Variants in ELAVL4 observed in about 807,000 individuals in gnomAD.
The protein encoded by ELAVL4 is ELAV like RNA binding protein 4, also known as ELAV-like protein 4.
Under a neutral mutation model 35.6 loss-of-function variants are expected in ELAVL4, and 1 was observed. That is an observed-to-expected ratio of 0.03 (90% confidence interval 0.01 to 0.13). The LOEUF (loss-of-function observed/expected upper bound fraction) is 0.13. ELAVL4 is among the 10% of genes least tolerant of loss of function. The probability of loss-of-function intolerance (pLI) is 1.00; values close to 1 mark genes in which losing one functional copy is unlikely to be tolerated. For missense variants in ELAVL4, 267 were observed against 464.9 expected, an observed-to-expected ratio of 0.57 and a Z score of 3.91; for synonymous variants, 156 against 171.0, an observed-to-expected ratio of 0.91 and a Z score of 0.69.
rs1171119191 is a variant in ELAVL4 at position 50,054,893 on chromosome 1, A to C, written c.18+6711A>C. The stretch of plus-strand genomic sequence containing the variant: ...TTACAGGATATCTCAGACAGAAGAA[A>C]AGTGAGTTTGGAATATTTACTTCTC... On this transcript the variant is annotated intron_variant, in intron 1 of 6. Transcript: ENST00000448907. Among the ~76,000 whole-genome samples the C allele has an allele frequency of 2.6e-5, 4 of 152,302 alleles. No homozygotes were observed. In the East Asian group the frequency reaches 7.7e-4, roughly 29 times the overall value.
intron 4 of ELAVL4, 110 bp from the exon 5 acceptor site, chr1:50,195,451 C>T (rs1643989545): frequency 1.7e-6 from 2 of 1,208,628 alleles, no homozygotes; most frequent in Admixed American, 1.8e-5. Context: ...AGCCCTGGCA[C>T]CACAGGTGGG....
At chr1:50,155,067 C>A (rs1013271680) in intron 2 of ELAVL4, among the ~76,000 whole-genome samples, 4 of 151,354 alleles carry the variant, frequency 2.6e-5, no homozygotes, top group Non-Finnish European at 5.9e-5. Context: ...TACATGTGCA[C>A]AATATGCAGG....
intron 1 of ELAVL4, among the ~76,000 whole-genome samples, chr1:50,117,407 C>T (rs78536206): frequency 0.071 from 10,795 of 152,148 alleles, 1,125 homozygotes; most frequent in African/African-American, 0.23. Context: ...AGGAACATCA[C>T]GGTGTGCCTG....
intron 2 of ELAVL4, among the ~76,000 whole-genome samples, chr1:50,169,615 TATGCCTGGTACATAACAC>T (rs1678618404): frequency 6.6e-6 from 1 of 152,236 alleles, no homozygotes; most frequent in Non-Finnish European, 1.5e-5. Context: ...GTGAATGGAA[TATGCCTGGTACATAACAC>T]ATGCTCACTA....
chr1:50,133,746 A>G (rs147544781), intron 1 of ELAVL4, among the ~76,000 whole-genome samples: 58 of 152,326 alleles, frequency 3.8e-4, no homozygotes, highest in African/African-American at 1.3e-3. Context: ...AAACTACTCT[A>G]TCAGAATAAC....
intron 1 of ELAVL4, among the ~76,000 whole-genome samples, chr1:50,133,424 GT>G (rs1018834128): frequency 2.0e-5 from 3 of 152,058 alleles, no homozygotes; most frequent in Admixed American, 6.6e-5. Flanking sequence ...GTGGAGTCCA[GT>G]TTTACTCCTG....
At position 50,119,136 on chromosome 1, in the gene ELAVL4, A is replaced by G. The variant is rs547635976; in HGVS notation, c.9+9938A>G. Among the ~76,000 whole-genome samples, 6 of 152,146 alleles carry G rather than the reference A, an allele frequency of 3.9e-5. No homozygotes were observed. In the South Asian group the frequency reaches 1.2e-3, roughly 32 times the overall value. Reference sequence around the variant, plus strand: ...TGCTATGGAACAGGCAGACAATAAAACTTTTCTCTTTCCATATGAATCTAT... The same window carrying G: ...TGCTATGGAACAGGCAGACAATAAAGCTTTTCTCTTTCCATATGAATCTAT... On this transcript the variant is annotated intron_variant, in intron 1 of 6. Transcript: ENST00000371824.
At chr1:50,066,139 A>G (rs1048034890) in intron 1 of ELAVL4, among the ~76,000 whole-genome samples, 3 of 152,156 alleles carry the variant, frequency 2.0e-5, no homozygotes, top group Non-Finnish European at 4.4e-5. Flanking sequence ...TTTGCAGTTG[A>G]TCTACCCTAC....
chr1:50,100,215 C>T (rs1482301257), upstream of ELAVL4, among the ~76,000 whole-genome samples: 1 of 152,142 alleles, frequency 6.6e-6, no homozygotes, highest in Non-Finnish European at 1.5e-5. Flanking sequence ...AGGCACAGCA[C>T]CTACCATAAT....
chr1:50,081,659 A>G (rs944616156), intron 1 of ELAVL4, among the ~76,000 whole-genome samples: 1 of 152,114 alleles, frequency 6.6e-6, no homozygotes, highest in Admixed American at 6.6e-5. Flanking sequence ...CAACTGGGGC[A>G]ACTTTCTTAT....
chr1:50,050,713 A>T (rs1295710830), intron 1 of ELAVL4, among the ~76,000 whole-genome samples: 2 of 151,982 alleles, frequency 1.3e-5, no homozygotes, highest in African/African-American at 4.8e-5. Flanking sequence ...TTAGTAGCTT[A>T]AAAAAAATTG....
At chr1:50,119,093 A>AT in intron 1 of ELAVL4, among the ~76,000 whole-genome samples, 1 of 86,968 alleles carries the variant, frequency 1.1e-5, no homozygotes, top group Non-Finnish European at 2.4e-5. Context: ...AGAAAGAAAG[A>AT]AAAAGAAAAA....
intron 1 of ELAVL4, among the ~76,000 whole-genome samples, chr1:50,121,698 T>A (rs1209918334): frequency 1.3e-5 from 2 of 152,066 alleles, no homozygotes; most frequent in Non-Finnish European, 2.9e-5. Context: ...CAATGCAAGA[T>A]CTCTAGTATC....
intron 1 of ELAVL4, among the ~76,000 whole-genome samples, chr1:50,063,625 T>C (rs182277647): frequency 0.01 from 1,583 of 152,278 alleles, 13 homozygotes; most frequent in Non-Finnish European, 0.014. Context: ...TTGGGGACTT[T>C]TGCCATTTTT....
At chr1:50,181,612 C>T (rs1681035460) in intron 3 of ELAVL4, among the ~76,000 whole-genome samples, 1 of 152,148 alleles carries the variant, frequency 6.6e-6, no homozygotes, top group African/African-American at 2.4e-5. Flanking sequence ...AGATGACTTG[C>T]CTCATGTAGG....
intron 3 of ELAVL4, among the ~76,000 whole-genome samples, chr1:50,185,032 T>C (rs1681615934): frequency 6.6e-6 from 1 of 152,240 alleles, no homozygotes; most frequent in Non-Finnish European, 1.5e-5. Flanking sequence ...TAGCCACTTG[T>C]AGCTAATGGC....
chr1:50,048,059 C>T (rs1307200466), exon 1 of ELAVL4: 13 of 1,312,300 alleles, frequency 9.9e-6, no homozygotes, highest in South Asian at 1.7e-5. Flanking sequence ...AGCCGCAGAG[C>T]GAGCTAGAGA....
intron 3 of ELAVL4, chr1:50,181,032 T>C (rs1431146031): frequency 6.6e-6 from 1 of 152,162 alleles, no homozygotes; most frequent in Non-Finnish European, 1.5e-5. Context: ...GAGGTACTAT[T>C]ACCTCCTTTA....
intron 2 of ELAVL4, among the ~76,000 whole-genome samples, chr1:50,172,608 C>A (rs1186476489): frequency 2.0e-5 from 3 of 152,160 alleles, no homozygotes; most frequent in African/African-American, 7.2e-5. Context: ...TACACAATGG[C>A]AGAGTTGTCA....
Sources: allele counts gnomAD v4.1 joint callset (sites outside exome capture counted in the v4.1 genomes callset), GRCh38; gene constraint gnomAD v4.1.1; transcripts MANE v1.5; gene names NCBI Gene and HGNC (gene_info 2026-07-23, HGNC 2026-07-21).